Variants in HPSE2 observed in about 807,000 individuals in gnomAD.
The protein encoded by HPSE2 is heparanase 2 (inactive).
In HPSE2, 38 loss-of-function variants were observed where a neutral mutation model predicts 60.5. That is an observed-to-expected ratio of 0.63 (90% CI 0.48 to 0.82). The LOEUF (loss-of-function observed/expected upper bound fraction) is 0.82. HPSE2 is among the 40% of genes least tolerant of loss of function. The probability of loss-of-function intolerance (pLI) is 0.00; values close to 1 mark genes in which losing one functional copy is unlikely to be tolerated. For synonymous variants in HPSE2, 295 were observed against 293.2 expected (o/e 1.01, Z -0.06); for missense variants, 713 against 740.4 (o/e 0.96, Z 0.43).
chr10:98,469,350 C>T (rs2133601253), intron 11 of HPSE2, among the ~76,000 whole-genome samples: 1 of 152,270 alleles, frequency 6.6e-6, no homozygotes, highest in South Asian at 2.1e-4. Context: ...CCACAGGACA[C>T]AATAGGAACC....
chr10:99,132,196 AGAGAGAGAGAGAG>A (rs1845440930), intron 3 of HPSE2, among the ~76,000 whole-genome samples: 7 of 43,510 alleles, frequency 1.6e-4, no homozygotes, highest in East Asian at 6.1e-4. Flanking sequence ...AAAGAAAGAG[AGAGAGAGAGAGAG>A]AGAGAGAGAG....
intron 2 of HPSE2, among the ~76,000 whole-genome samples, chr10:99,225,276 G>A (rs1304837277): frequency 6.6e-6 from 1 of 151,926 alleles, no homozygotes; most frequent in Non-Finnish European, 1.5e-5. Context: ...CTTTTCTTGG[G>A]CCTAAAATTC....
intron 2 of HPSE2, among the ~76,000 whole-genome samples, chr10:99,162,732 T>A: frequency 6.6e-6 from 1 of 152,212 alleles, no homozygotes; most frequent in East Asian, 1.9e-4. Flanking sequence ...TATTTCTTTT[T>A]CCCTGCCCCT....
chr10:98,736,908 T>A (rs528147891), intron 4 of HPSE2, among the ~76,000 whole-genome samples: 5 of 152,210 alleles, frequency 3.3e-5, no homozygotes, highest in African/African-American at 4.8e-5. Context: ...CACACATACA[T>A]AGTTAATGCA....
rs145093872 is a variant in HPSE2, at chr10:98,555,147, A to G, written c.1320+59757T>C. On this transcript the variant is annotated intron_variant, in intron 9 of 11. Coordinates refer to ENST00000370552, the MANE Select transcript of HPSE2 (RefSeq NM_021828.5). Reference sequence around the variant, plus strand: ...TTTAGACATGTTCCTTTCAGCTCTAAGGACTTTAAAATCTTCTCTGGGGAA... The same window carrying G: ...TTTAGACATGTTCCTTTCAGCTCTAGGGACTTTAAAATCTTCTCTGGGGAA... 1.6e-3 allele frequency among the ~76,000 whole-genome samples: 250 copies of G among 152,322 alleles called. 1 individual carries two copies. Among genetic ancestry groups the G allele is most frequent in the African/African-American group, 5.7e-3 (236 of 41,572 alleles).
chr10:98,614,985 C>T lies in HPSE2; in HGVS notation c.1239G>A (p.Gln413=). Residue 413 remains glutamine (Q), a synonymous_variant, in exon 9 of 12, where the codon CAG becomes CAA. Coordinates refer to ENST00000370552, the MANE Select transcript of HPSE2 (RefSeq NM_021828.5). ...WLNTLGMLAN[Q]GIDVVIRHSF... is the part of the protein sequence containing the mutation. ...AGTGCCGTATCACGACATCAATGCC[C>T]TGATTGGCCAGCATTCCTAAAGTGT... is the stretch of plus-strand genomic sequence containing the variant. 1.2e-6 allele frequency: 2 copies of T among 1,613,964 alleles called. No homozygotes were observed. The highest frequency in any genetic ancestry group is 1.7e-6 in the Non-Finnish European group (2 of 1,179,902).
chr10:99,093,936 A>G (rs1008656981), intron 3 of HPSE2, among the ~76,000 whole-genome samples: 1 of 151,916 alleles, frequency 6.6e-6, no homozygotes, highest in African/African-American at 2.4e-5. Context: ...AACACATACT[A>G]TGTGTATAGA....
At chr10:99,278,090 CAA>C in the HPSE2 span, among the ~76,000 whole-genome samples, 269 of 118,182 alleles carry the variant, frequency 2.3e-3, 2 homozygotes, top group African/African-American at 7.3e-3. Flanking sequence ...GACTCCCTCT[CAA>C]AAAAAAAAAA....
At chr10:98,646,777 A>T (rs1946780703) in intron 6 of HPSE2, among the ~76,000 whole-genome samples, 1 of 152,162 alleles carries the variant, frequency 6.6e-6, no homozygotes, top group Admixed American at 6.5e-5. Flanking sequence ...GTTGCCCTTT[A>T]TTTTTATTAC....
chr10:99,080,096 T>C (rs1843083168), intron 3 of HPSE2, among the ~76,000 whole-genome samples: 2 of 152,194 alleles, frequency 1.3e-5, no homozygotes, highest in East Asian at 1.9e-4. Context: ...AATTAGTTTT[T>C]GGATGTCTCA....
At chr10:99,050,524 A>G (rs933410328) in intron 3 of HPSE2, among the ~76,000 whole-genome samples, 7 of 152,188 alleles carry the variant, frequency 4.6e-5, no homozygotes, top group African/African-American at 1.7e-4. Flanking sequence ...TGTCAAAGAG[A>G]TAACTGCTCT....
intron 3 of HPSE2, among the ~76,000 whole-genome samples, chr10:98,921,017 G>C (rs1284144340): frequency 1.3e-5 from 2 of 152,160 alleles, no homozygotes; most frequent in Non-Finnish European, 2.9e-5. Flanking sequence ...TCATAGTTAA[G>C]TGTGCAGGCT....
At chr10:98,493,955 A>C (rs900924150) in intron 9 of HPSE2, among the ~76,000 whole-genome samples, 1 of 152,116 alleles carries the variant, frequency 6.6e-6, no homozygotes, top group Non-Finnish European at 1.5e-5. Flanking sequence ...ATATTCTATA[A>C]CTATTTTCTT....
chr10:98,772,752 G>A (rs181254182), intron 3 of HPSE2, among the ~76,000 whole-genome samples: 3 of 152,256 alleles, frequency 2.0e-5, no homozygotes, highest in African/African-American at 4.8e-5. Flanking sequence ...GAAAAATAAG[G>A]AGAAAGATTT....
rs1845176418 is a variant in HPSE2 at position 99,126,701 on chromosome 10, G to A, written c.610+17537C>T. On this transcript the variant is annotated intron_variant, in intron 3 of 11. Coordinates refer to ENST00000370552, the MANE Select transcript of HPSE2 (RefSeq NM_021828.5). The surrounding 1 kb of genome is among the most constrained non-coding windows in gnomAD (Gnocchi z 4.0). ...CATAATCCATCATTCAAGAAAGCCA[G>A]CACACTAAACATAGCTACAACTAAG... is the stretch of plus-strand genomic sequence containing the variant. 6.6e-6 allele frequency among the ~76,000 whole-genome samples: 1 copy of A among 152,104 alleles called. No homozygotes were observed. The highest frequency in any genetic ancestry group is 2.4e-5 in the African/African-American group (1 of 41,404).
chr10:98,987,187 C>T (rs555802316), intron 3 of HPSE2, among the ~76,000 whole-genome samples: 2 of 144,706 alleles, frequency 1.4e-5, no homozygotes, highest in African/African-American at 5.1e-5. Context: ...AGAGAGACAA[C>T]AAAAAAAAAA....
the HPSE2 span, among the ~76,000 whole-genome samples, chr10:99,262,595 C>T: frequency 1.2e-3 from 184 of 152,268 alleles, no homozygotes; most frequent in Admixed American, 3.9e-3. Context: ...CCACAGCATG[C>T]TTTAAAAGGA....
intron 9 of HPSE2, among the ~76,000 whole-genome samples, chr10:98,496,063 G>C (rs576864758): frequency 2.0e-5 from 3 of 152,220 alleles, no homozygotes; most frequent in African/African-American, 7.2e-5. Context: ...GTGTGTGTGT[G>C]TGTAAGTGTG....
At chr10:98,745,684 C>T (rs191533680) in intron 3 of HPSE2, among the ~76,000 whole-genome samples, 1 of 152,316 alleles carries the variant, frequency 6.6e-6, no homozygotes, top group East Asian at 1.9e-4. Context: ...TCCTTTTACA[C>T]AGTGTATCCC....
Sources: gnomAD v4.1 joint callset for allele counts (sites outside exome capture counted in the v4.1 genomes callset) on GRCh38, gnomAD v4.1.1 for gene constraint, Gnocchi (gnomAD v3.1) non-coding constraint, MANE v1.5 for transcripts, NCBI Gene and HGNC (gene_info 2026-07-23, HGNC 2026-07-21) for gene names.